The following DNM3 variants were observed in gnomAD, a reference collection of about 807,000 sequenced individuals.
DNM3 encodes the protein dynamin-3.
Under a neutral mutation model 101.6 loss-of-function variants are expected in DNM3, and 47 were observed. That is an observed-to-expected ratio of 0.46 (90% CI 0.37 to 0.59). DNM3 has a LOEUF of 0.59. DNM3 is among the 20% of genes least tolerant of loss of function. DNM3 has a pLI of 0.00. For synonymous variants in DNM3, 385 were observed against 387.9 expected (o/e 0.99, Z 0.09); for missense variants, 849 against 1,085.7 (o/e 0.78, Z 3.06).
At chr1:172,219,498 A>G (rs1351024061) in intron 14 of DNM3, among the ~76,000 whole-genome samples, 2 of 152,082 alleles carry the variant, frequency 1.3e-5, no homozygotes, top group African/African-American at 4.8e-5. Context: ...AGCATTATAT[A>G]CAGAGAAGAC....
At chr1:172,079,649 A>G (rs1402120919) in intron 11 of DNM3, among the ~76,000 whole-genome samples, 2 of 151,926 alleles carry the variant, frequency 1.3e-5, no homozygotes, top group Non-Finnish European at 1.5e-5. Flanking sequence ...TCTTTGTCCA[A>G]TTTTGTTTTC....
chr1:171,864,750 A>G (rs1029218709), intron 1 of DNM3: 4 of 152,218 alleles, frequency 2.6e-5, no homozygotes, highest in Admixed American at 6.5e-5. Flanking sequence ...AAATTTTTAT[A>G]TAGATTGAAT....
chr1:171,996,709 T>C (rs1262810381), intron 4 of DNM3, among the ~76,000 whole-genome samples: 1 of 152,096 alleles, frequency 6.6e-6, no homozygotes, highest in Non-Finnish European at 1.5e-5. Context: ...AAAAGTTTGC[T>C]ATAATAATTA....
intron 1 of DNM3, among the ~76,000 whole-genome samples, chr1:171,918,353 A>G (rs2039886332): frequency 6.6e-6 from 1 of 152,188 alleles, no homozygotes; most frequent in Non-Finnish European, 1.5e-5. Flanking sequence ...AATTTTGCCC[A>G]TTCAGTGGTA....
At chr1:172,395,173 A>ATT (rs151029098) in intron 20 of DNM3, among the ~76,000 whole-genome samples, 4 of 133,138 alleles carry the variant, frequency 3.0e-5, no homozygotes, top group Non-Finnish European at 3.2e-5. Flanking sequence ...ATCAGAAGCA[A>ATT]TTTTTTTTTT....
chr1:172,148,072 T>C (rs1234685317), intron 14 of DNM3, among the ~76,000 whole-genome samples: 1 of 152,066 alleles, frequency 6.6e-6, no homozygotes, highest in East Asian at 1.9e-4. Flanking sequence ...AAAAACTCAG[T>C]TTTTTTCTGT....
At chr1:172,331,210 T>C (rs1191715191) in intron 17 of DNM3, among the ~76,000 whole-genome samples, 2 of 152,212 alleles carry the variant, frequency 1.3e-5, no homozygotes, top group East Asian at 3.9e-4. Context: ...TGTTGACTAC[T>C]ATGACTGTGT....
At chr1:172,191,853 T>A (rs1166234584) in intron 14 of DNM3, among the ~76,000 whole-genome samples, 3 of 152,218 alleles carry the variant, frequency 2.0e-5, no homozygotes, top group Non-Finnish European at 2.9e-5. Context: ...TTGTGGTTTT[T>A]GCACGTTGAT....
chr1:172,101,221 G>A (rs574287620), intron 13 of DNM3, among the ~76,000 whole-genome samples: 1 of 152,252 alleles, frequency 6.6e-6, no homozygotes, highest in Non-Finnish European at 1.5e-5. Flanking sequence ...TTTTGTGTAT[G>A]TTGTCTTTTT....
intron 14 of DNM3, among the ~76,000 whole-genome samples, chr1:172,221,332 A>G (rs2060899111): frequency 6.6e-6 from 1 of 152,114 alleles, no homozygotes; most frequent in Admixed American, 6.6e-5. Flanking sequence ...CATTAGCCCT[A>G]TGACTTCAGA....
intron 2 of DNM3, among the ~76,000 whole-genome samples, chr1:171,957,667 A>G (rs1367438040): frequency 6.6e-6 from 1 of 152,134 alleles, no homozygotes; most frequent in African/African-American, 2.4e-5. Flanking sequence ...TCTCAAGTTC[A>G]AAGTTCCACA....
rs1218420379 is a variant in DNM3 at position 172,183,482 on chromosome 1, T to A, written c.1659+52194T>A. On this transcript the variant is annotated intron_variant, in intron 14 of 20. Transcript: ENST00000627582. Reference sequence around the variant, plus strand: ...GTGATTCTGGGTTTCAAAACCCAAATACACTGAAACATTGTGGAGTTTTTA... The same window carrying A: ...GTGATTCTGGGTTTCAAAACCCAAAAACACTGAAACATTGTGGAGTTTTTA... Among the ~76,000 whole-genome samples the A allele has an allele frequency of 2.6e-5, 4 of 152,146 alleles. No individual in the cohort carries two copies. The East Asian group carries it at 7.7e-4, about 29-fold the overall frequency.
At chr1:171,998,813 C>A (rs868688113) in intron 4 of DNM3, among the ~76,000 whole-genome samples, 18 of 152,084 alleles carry the variant, frequency 1.2e-4, no homozygotes, top group African/African-American at 4.1e-4. Flanking sequence ...GGAATAAGCC[C>A]TGTGACCATC....
intron 14 of DNM3, among the ~76,000 whole-genome samples, chr1:172,149,986 T>C (rs1328619648): frequency 6.6e-6 from 1 of 152,160 alleles, no homozygotes; most frequent in Admixed American, 6.5e-5. Flanking sequence ...AGTCTTTAAG[T>C]AATGATAGGC....
At chr1:171,976,259 G>A in intron 2 of DNM3, among the ~76,000 whole-genome samples, 1 of 152,182 alleles carries the variant, frequency 6.6e-6, no homozygotes, top group African/African-American at 2.4e-5. Flanking sequence ...CAACTTTCAG[G>A]AATTTGTCAT....
intron 4 of DNM3, among the ~76,000 whole-genome samples, chr1:172,008,335 G>A (rs764161969): frequency 2.6e-5 from 4 of 151,630 alleles, no homozygotes; most frequent in Non-Finnish European, 5.9e-5. Flanking sequence ...TTATAATTTT[G>A]GGTATACATT....
intron 14 of DNM3, among the ~76,000 whole-genome samples, chr1:172,210,883 T>G (rs2060491664): frequency 1.3e-5 from 2 of 152,064 alleles, no homozygotes; most frequent in South Asian, 2.1e-4. Context: ...AAGCCAAGTG[T>G]GAGGGAAGAG....
chr1:171,947,129 A>G (rs1407801502), intron 2 of DNM3, among the ~76,000 whole-genome samples: 1 of 152,214 alleles, frequency 6.6e-6, no homozygotes, highest in African/African-American at 2.4e-5. Context: ...TGGTGGGATT[A>G]CCTTGCAGTG....
At chr1:171,966,750 G>A (rs1305119822) in intron 2 of DNM3, among the ~76,000 whole-genome samples, 1 of 152,200 alleles carries the variant, frequency 6.6e-6, no homozygotes, top group African/African-American at 2.4e-5. Context: ...TCACTTTGGG[G>A]TGGAGTTTCA....
Sources: gnomAD v4.1 joint callset for allele counts (sites outside exome capture counted in the v4.1 genomes callset) on GRCh38, gnomAD v4.1.1 for gene constraint, MANE v1.5 for transcripts, NCBI Gene and HGNC (gene_info 2026-07-23, HGNC 2026-07-21) for gene names.